Variants in RNF216 observed in about 807,000 individuals in gnomAD.
The protein encoded by RNF216 is ring finger protein 216.
RNF216 carries 72 observed loss-of-function variants against 110.8 expected under a neutral mutation model. The observed-to-expected ratio is 0.65, with a 90% CI of 0.54 to 0.79. RNF216 has a LOEUF of 0.79. Ranked by LOEUF, RNF216 falls within the 30% of genes least tolerant of loss-of-function variation. RNF216 has a pLI of 0.00. For synonymous variants in RNF216, 495 were observed against 407.5 expected, an observed-to-expected ratio of 1.21 and a Z score of -2.59; for missense variants, 1,342 against 1,141.2, an observed-to-expected ratio of 1.18 and a Z score of -2.54.
At chr7:5,744,304 T>C (rs534048959) in intron 3 of RNF216, among the ~76,000 whole-genome samples, 12 of 152,314 alleles carry the variant, frequency 7.9e-5, no homozygotes, top group South Asian at 2.1e-4. Flanking sequence ...AATTAGTGCA[T>C]TGAAAGCCAG....
chr7:5,693,613 A>C (rs1301700890), intron 13 of RNF216, among the ~76,000 whole-genome samples: 1 of 152,172 alleles, frequency 6.6e-6, no homozygotes, highest in African/African-American at 2.4e-5. Flanking sequence ...CAACCTCCCC[A>C]AGTGTCAATT....
At chr7:5,670,367 T>C (rs1789823856) in intron 13 of RNF216, among the ~76,000 whole-genome samples, 1 of 152,152 alleles carries the variant, frequency 6.6e-6, no homozygotes, top group Non-Finnish European at 1.5e-5. Flanking sequence ...AGCCATGTGA[T>C]AGTGGGCTCC....
At chr7:5,648,074 C>CTT (rs1426689752) in intron 14 of RNF216, among the ~76,000 whole-genome samples, 1 of 151,738 alleles carries the variant, frequency 6.6e-6, no homozygotes, top group Non-Finnish European at 1.5e-5. Context: ...CACCAAAAAC[C>CTT]TTTGAGTGAG....
intron 13 of RNF216, among the ~76,000 whole-genome samples, chr7:5,658,380 G>A (rs991544634): frequency 1.3e-5 from 2 of 152,134 alleles, no homozygotes; most frequent in East Asian, 1.9e-4. Flanking sequence ...TTTTGGGCCG[G>A]GCACAGTGGC....
intron 14 of RNF216, among the ~76,000 whole-genome samples, chr7:5,643,179 G>C (rs1020696828): frequency 1.3e-5 from 2 of 152,106 alleles, no homozygotes; most frequent in African/African-American, 4.8e-5. Flanking sequence ...TTGCTGAAAT[G>C]TTAAACAGCT....
intron 1 of RNF216, among the ~76,000 whole-genome samples, chr7:5,762,428 T>C (rs1795982502): frequency 6.6e-6 from 1 of 151,398 alleles, no homozygotes; most frequent in African/African-American, 2.4e-5. Context: ...GAGGCTGAGA[T>C]AGGCGGATCA....
At chr7:5,734,068 A>G (rs6964579) in intron 5 of RNF216, among the ~76,000 whole-genome samples, 9,533 of 152,250 alleles carry the variant, frequency 0.063, 1,003 homozygotes, top group African/African-American at 0.22. Flanking sequence ...GGGGAAAAAA[A>G]TCTCCAACAA....
In RNF216 at chr7:5,625,371, C is replaced by T. The variant is rs527823635; in HGVS notation, c.2383-1246G>A. On this transcript the variant is annotated intron_variant, in intron 15 of 16. Transcript: ENST00000389902. The stretch of plus-strand genomic sequence containing the variant: ...GAAAGCACATTTATTTTCCTAGACA[C>T]GGCGTCAGAGCCTAAATATCTGGCC... Among the ~76,000 whole-genome samples the T allele has an allele frequency of 9.2e-5, 14 of 152,298 alleles. No homozygotes were observed. The South Asian group carries it at 2.3e-3, about 25-fold the overall frequency.
intron 14 of RNF216, among the ~76,000 whole-genome samples, chr7:5,651,072 T>C (rs938782641): frequency 1.8e-4 from 28 of 152,250 alleles, no homozygotes; most frequent in African/African-American, 6.8e-4. Context: ...ATATAATTCC[T>C]GTATCACTTA....
intron 5 of RNF216, among the ~76,000 whole-genome samples, chr7:5,734,679 C>A (rs1794286401): frequency 1.3e-5 from 2 of 149,812 alleles, no homozygotes; most frequent in African/African-American, 5.1e-5. Context: ...GTAATCCAAG[C>A]CAGGTGAGGT....
chr7:5,735,061 G>A (rs1265685516), intron 5 of RNF216, among the ~76,000 whole-genome samples: 6 of 151,050 alleles, frequency 4.0e-5, no homozygotes, highest in Admixed American at 2.6e-4. Flanking sequence ...CAGAAGAATC[G>A]CTCGAACCCA....
At chr7:5,704,878 A>C (rs958570454) in intron 13 of RNF216, among the ~76,000 whole-genome samples, 12 of 152,162 alleles carry the variant, frequency 7.9e-5, no homozygotes, top group African/African-American at 2.9e-4. Context: ...TAGAAACTAA[A>C]ATGTGAATGC....
intron 5 of RNF216, among the ~76,000 whole-genome samples, chr7:5,737,330 T>C (rs573314983): frequency 3.3e-5 from 5 of 152,184 alleles, no homozygotes; most frequent in African/African-American, 7.2e-5. Context: ...GCAGCATGCT[T>C]GTTAAGAGTC....
intron 10 of RNF216, 59 bp from the exon 11 acceptor site, chr7:5,715,249 T>A: frequency 6.5e-7 from 1 of 1,546,656 alleles, no homozygotes; most frequent in Non-Finnish European, 8.8e-7. Flanking sequence ...GGGGGAGCCT[T>A]GTCTCCCATC....
chr7:5,686,377 G>T (rs1790987493), intron 13 of RNF216, among the ~76,000 whole-genome samples: 1 of 152,124 alleles, frequency 6.6e-6, no homozygotes, highest in African/African-American at 2.4e-5. Flanking sequence ...CCACCCTGAA[G>T]GGGGCTGGGA....
rs1308600555 is a variant in RNF216 at position 5,661,685 on chromosome 7, C to T, written c.2062-9175G>A. 2.0e-5 allele frequency among the ~76,000 whole-genome samples: 3 copies of T among 152,090 alleles called. No homozygotes were observed. The East Asian group carries it at 5.8e-4, about 29-fold the overall frequency. ...AGGCGTGGTGGTGCAAGTCTATAAT[C>T]CCAGCTACTTGGGAGGCTGAGGCAT... On this transcript the variant is annotated intron_variant, in intron 13 of 16. Transcript: ENST00000389902.
Position 5,620,883 on chromosome 7 carries a change from C to CT in RNF216, c.*1976dup, listed in dbSNP as rs1350986944. 1 of 152,278 alleles carries CT rather than the reference C, an allele frequency of 6.6e-6. No individual in the cohort carries two copies. The highest frequency in any genetic ancestry group is 2.4e-5 in the African/African-American group (1 of 41,448). 9.4% of individuals were successfully genotyped at this position (152,278 alleles called of 1,614,324 possible). A position where few individuals can be genotyped will look rare whatever the true frequency, so the allele number is the denominator to read the frequency against. ...GAGGTCACCTCTTCAGCTGTGATGT[C>CT]TACAGCCGCCCTCTGCTCCCAGAGA... is the stretch of plus-strand genomic sequence containing the variant. On this transcript the variant is annotated 3_prime_UTR_variant, in exon 17 of 17. Coordinates refer to ENST00000389902, the MANE Select transcript of RNF216 (RefSeq NM_207111.4).
At chr7:5,714,292 CTT>C (rs1331126735) in intron 11 of RNF216, among the ~76,000 whole-genome samples, 1 of 151,414 alleles carries the variant, frequency 6.6e-6, no homozygotes, top group East Asian at 1.9e-4. Context: ...GAGTTTCACT[CTT>C]GTTGCCCAGG....
At chr7:5,646,880 T>C (rs1397516074) in intron 14 of RNF216, among the ~76,000 whole-genome samples, 2 of 152,170 alleles carry the variant, frequency 1.3e-5, no homozygotes, top group Admixed American at 1.3e-4. Context: ...TGTAACTTTC[T>C]TAGTTTTTGA....
Sources: allele counts gnomAD v4.1 joint callset (sites outside exome capture counted in the v4.1 genomes callset), GRCh38; gene constraint gnomAD v4.1.1; transcripts MANE v1.5; gene names NCBI Gene and HGNC (gene_info 2026-07-23, HGNC 2026-07-21).